Variants in VRK2 observed in about 807,000 individuals in gnomAD.
VRK2 encodes the protein VRK serine/threonine kinase 2.
In VRK2, 60 loss-of-function variants were observed where a neutral mutation model predicts 57.6. That is an observed-to-expected ratio of 1.04 (90% CI 0.85 to 1.29). The LOEUF is 1.29. VRK2 is among the 50% of genes most tolerant of loss of function. The pLI, the probability that VRK2 is intolerant of heterozygous loss-of-function variation, is 0.00. For missense variants in VRK2, 705 were observed against 588.1 expected (o/e 1.20, Z -2.06); for synonymous variants, 231 against 199.2 (o/e 1.16, Z -1.35).
chr2:57,987,938 A>G (rs564267795), intron 1 of VRK2, among the ~76,000 whole-genome samples: 22 of 152,208 alleles, frequency 1.4e-4, no homozygotes, highest in Non-Finnish European at 2.9e-4. Context: ...TTTACAAGGC[A>G]TTCTGGAAAA....
At chr2:58,155,987 C>T (rs1410881606) in intron 12 of VRK2, among the ~76,000 whole-genome samples, 1 of 150,544 alleles carries the variant, frequency 6.6e-6, no homozygotes, top group East Asian at 1.9e-4. Flanking sequence ...ATGGCCCAGG[C>T]TGGGGTAATA....
chr2:57,972,890 T>G (rs1672138992), intron 1 of VRK2, among the ~76,000 whole-genome samples: 1 of 151,918 alleles, frequency 6.6e-6, no homozygotes, highest in Admixed American at 6.6e-5. Context: ...AGCTACATAT[T>G]TCCATTGTGT....
At chr2:58,151,127 G>C (rs759769173) in intron 12 of VRK2, among the ~76,000 whole-genome samples, 1 of 151,626 alleles carries the variant, frequency 6.6e-6, no homozygotes, top group Non-Finnish European at 1.5e-5. Flanking sequence ...TATATTCACT[G>C]TTTTATTTTG....
At chr2:57,954,476 G>A (rs1318907806) in intron 1 of VRK2, among the ~76,000 whole-genome samples, 3 of 151,980 alleles carry the variant, frequency 2.0e-5, no homozygotes, top group Non-Finnish European at 4.4e-5. Context: ...ACTCCTACCA[G>A]TCTAATGTTT....
intron 11 of VRK2, 141 bp from the exon 12 acceptor site, chr2:58,146,175 T>C: frequency 1.5e-6 from 1 of 680,772 alleles, no homozygotes; most frequent in Admixed American, 3.4e-5. Flanking sequence ...TTTTCTGTAA[T>C]GTCCACTTGC....
chr2:58,020,252 C>T (rs1673709807), intron 1 of VRK2, among the ~76,000 whole-genome samples: 1 of 152,210 alleles, frequency 6.6e-6, no homozygotes, highest in Admixed American at 6.5e-5. Context: ...GCTCTGTTGT[C>T]CCGGCCTGGA....
At chr2:58,097,315 T>A (rs1011133748) in intron 7 of VRK2, among the ~76,000 whole-genome samples, 4 of 152,108 alleles carry the variant, frequency 2.6e-5, no homozygotes, top group Non-Finnish European at 4.4e-5. Context: ...AGTTTTTTTT[T>A]AAATAAAAAT....
intron 12 of VRK2, 46 bp downstream of exon 12, chr2:58,146,520 T>C (rs1179363538): frequency 2.5e-6 from 4 of 1,578,632 alleles, no homozygotes; most frequent in African/African-American, 1.4e-5. Flanking sequence ...AATGTTACAT[T>C]AGAATATGCC....
At chr2:57,950,895 C>T (rs1349554868) in intron 1 of VRK2, among the ~76,000 whole-genome samples, 2 of 152,006 alleles carry the variant, frequency 1.3e-5, no homozygotes, top group African/African-American at 4.8e-5. Flanking sequence ...AGATCAAGAC[C>T]ATCCTGGCCA....
At chr2:58,006,779 T>A (rs1673259330) in intron 1 of VRK2, among the ~76,000 whole-genome samples, 1 of 152,136 alleles carries the variant, frequency 6.6e-6, no homozygotes, top group African/African-American at 2.4e-5. Flanking sequence ...TTATGGGTGT[T>A]CCTAAAAGTG....
intron 2 of VRK2, among the ~76,000 whole-genome samples, chr2:58,050,070 G>A (rs1232068137): frequency 6.6e-6 from 1 of 152,058 alleles, no homozygotes; most frequent in Non-Finnish European, 1.5e-5. Context: ...GTGCTAGATT[G>A]AATGACATAG....
intron 1 of VRK2, among the ~76,000 whole-genome samples, chr2:58,011,552 T>G (rs1292156258): frequency 1.3e-5 from 2 of 152,208 alleles, no homozygotes; most frequent in Non-Finnish European, 1.5e-5. Flanking sequence ...ACACAAGTTG[T>G]GTCTGGTGTG....
At chr2:57,997,843 G>C (rs1038041526) in intron 1 of VRK2, among the ~76,000 whole-genome samples, 1 of 150,490 alleles carries the variant, frequency 6.6e-6, no homozygotes, top group Admixed American at 6.6e-5. Flanking sequence ...AGGTTGCAGT[G>C]AACCAAGACC....
intron 2 of VRK2, among the ~76,000 whole-genome samples, chr2:58,082,960 T>A (rs1671104647): frequency 6.6e-6 from 1 of 151,614 alleles, no homozygotes; most frequent in South Asian, 2.1e-4. Flanking sequence ...ATATCTAAGA[T>A]GTGAATTAAT....
chr2:57,963,716 G>T (rs1266412467), intron 1 of VRK2, among the ~76,000 whole-genome samples: 1 of 152,156 alleles, frequency 6.6e-6, no homozygotes, highest in African/African-American at 2.4e-5. Flanking sequence ...TTTACACATT[G>T]ACTGACTTTG....
At chr2:58,064,323 C>T (rs1332789180) in intron 2 of VRK2, among the ~76,000 whole-genome samples, 1 of 152,012 alleles carries the variant, frequency 6.6e-6, no homozygotes, top group African/African-American at 2.4e-5. Context: ...ATGTGGCAAA[C>T]TTCATTGCTA....
chr2:57,972,499 C>A (rs1217557209), intron 1 of VRK2, among the ~76,000 whole-genome samples: 1 of 151,750 alleles, frequency 6.6e-6, no homozygotes, highest in Non-Finnish European at 1.5e-5. Flanking sequence ...TGGTCTTTAG[C>A]ATATAACCCA....
At chr2:57,957,256 GTACTT>G (rs944773454) in intron 1 of VRK2, among the ~76,000 whole-genome samples, 1 of 152,004 alleles carries the variant, frequency 6.6e-6, no homozygotes, top group Non-Finnish European at 1.5e-5. Flanking sequence ...AATTCTCACT[GTACTT>G]TAAATTAATT....
intron 10 of VRK2, 141 bp from the exon 11 acceptor site, chr2:58,139,525 T>G: frequency 1.4e-6 from 1 of 709,126 alleles, no homozygotes; most frequent in East Asian, 2.7e-5. Context: ...AAAAAGTTAT[T>G]TTCATTGAAT....
Sources: allele counts gnomAD v4.1 joint callset (sites outside exome capture counted in the v4.1 genomes callset), GRCh38; gene constraint gnomAD v4.1.1; transcripts MANE v1.5; gene names NCBI Gene and HGNC (gene_info 2026-07-23, HGNC 2026-07-21).